UGCG: variants seen among roughly 807,000 people sequenced by gnomAD.
The protein encoded by UGCG is ceramide glucosyltransferase.
UGCG carries 10 observed loss-of-function variants against 49.5 expected under a neutral mutation model. The observed-to-expected ratio is 0.20, with a 90% CI of 0.12 to 0.34. UGCG has a LOEUF of 0.34. Ranked by LOEUF, UGCG falls within the 10% of genes least tolerant of loss-of-function variation. The probability of loss-of-function intolerance (pLI) is 1.00; values close to 1 mark genes in which losing one functional copy is unlikely to be tolerated. For missense variants in UGCG, 312 were observed against 483.7 expected, an observed-to-expected ratio of 0.65 and a Z score of 3.33; for synonymous variants, 182 against 158.2, an observed-to-expected ratio of 1.15 and a Z score of -1.13.
chr9:111,903,828 TCAAA>T (rs988992260), intron 1 of UGCG, among the ~76,000 whole-genome samples: 6 of 152,262 alleles, frequency 3.9e-5, no homozygotes, highest in South Asian at 2.1e-4. Flanking sequence ...ACTCCTGAGC[TCAAA>T]CAATCTGCCT....
chr9:111,910,895 A>G (rs992851262), intron 1 of UGCG, among the ~76,000 whole-genome samples: 3 of 151,974 alleles, frequency 2.0e-5, no homozygotes, highest in Admixed American at 2.0e-4. Flanking sequence ...ACAGGTGCAC[A>G]CCACCATGCC....
chr9:111,931,033 TGTAAA>T lies in UGCG; in HGVS notation c.738-233_738-229del, dbSNP rs1407291721. 2.0e-5 allele frequency among the ~76,000 whole-genome samples: 3 copies of T among 152,186 alleles called. No homozygotes were observed. In the East Asian group the frequency reaches 5.8e-4, roughly 29 times the overall value. Reference sequence around the variant, plus strand: ...TGACTGCATTTTAAGTTTCTTAAATTGTAAAGTAAGGTGGGTACAGTTTCTTCTAG... The same window carrying T: ...TGACTGCATTTTAAGTTTCTTAAATTGTAAGGTGGGTACAGTTTCTTCTAG... On this transcript the variant is annotated intron_variant, in intron 6 of 8. Transcript: ENST00000374279.
At position 111,933,050 on chromosome 9, in the gene UGCG, G is replaced by T; in HGVS notation, c.*53G>T. 1.5e-6 allele frequency: 2 copies of T among 1,331,754 alleles called. No individual in the cohort carries two copies. Among genetic ancestry groups the T allele is most frequent in the Non-Finnish European group, 9.7e-7 (1 of 1,027,080 alleles). 82.5% of individuals were successfully genotyped at this position (1,331,754 alleles called of 1,614,324 possible). ...AAAAAAGAGAAGTATTATAAATTAT[G>T]TTTATATAAATGCTTTTAAAAATCT... On this transcript the variant is annotated 3_prime_UTR_variant, in exon 9 of 9. Coordinates refer to ENST00000374279, the MANE Select transcript of UGCG (RefSeq NM_003358.3).
chr9:111,920,655 C>G (rs987354884), intron 2 of UGCG, among the ~76,000 whole-genome samples: 1 of 151,990 alleles, frequency 6.6e-6, no homozygotes, highest in Admixed American at 6.6e-5. Flanking sequence ...TGAGCCACCA[C>G]GCCTGGCCCA....
chr9:111,902,453 A>G (rs932029046), intron 1 of UGCG, among the ~76,000 whole-genome samples: 2 of 152,248 alleles, frequency 1.3e-5, no homozygotes, highest in African/African-American at 4.8e-5. Flanking sequence ...CAGGTAGTAA[A>G]TTGGTCATGA....
At chr9:111,909,377 AAACTCTTTCATGATTTC>A in intron 1 of UGCG, among the ~76,000 whole-genome samples, 1 of 152,226 alleles carries the variant, frequency 6.6e-6, no homozygotes, top group East Asian at 1.9e-4. Context: ...TCCACATCTC[AAACTCTTTCATGATTTC>A]TGTGTAGAAA....
rs1296076164 is a variant in UGCG, at chr9:111,933,812, G to C, written c.*815G>C. 1 of 151,948 alleles carries C rather than the reference G, an allele frequency of 6.6e-6. No homozygotes were observed. Among genetic ancestry groups the C allele is most frequent in the African/African-American group, 2.4e-5 (1 of 41,344 alleles). The allele number at this position is 151,948 out of a possible 1,614,324, so 9.4% of individuals were successfully genotyped here. Reference sequence around the variant, plus strand: ...GTATAGCTAAATCTTTTCCTTCCTTGCTCCTCCCCCAGCCCACCCCGTCTT... The same window carrying C: ...GTATAGCTAAATCTTTTCCTTCCTTCCTCCTCCCCCAGCCCACCCCGTCTT... On this transcript the variant is annotated 3_prime_UTR_variant, in exon 9 of 9. Coordinates refer to ENST00000374279, the MANE Select transcript of UGCG (RefSeq NM_003358.3).
At chr9:111,927,265 C>G (rs1838332648) in intron 5 of UGCG, among the ~76,000 whole-genome samples, 1 of 152,066 alleles carries the variant, frequency 6.6e-6, no homozygotes, top group Admixed American at 6.5e-5. Flanking sequence ...ATTTGATGTC[C>G]TTTTAAAACA....
intron 1 of UGCG, among the ~76,000 whole-genome samples, chr9:111,906,942 T>G (rs1028758782): frequency 2.0e-5 from 3 of 152,226 alleles, no homozygotes; most frequent in Non-Finnish European, 4.4e-5. Context: ...GCCTTGTCTG[T>G]GAAGTCACGA....
intron 1 of UGCG, among the ~76,000 whole-genome samples, chr9:111,914,190 C>T (rs529864786): frequency 6.6e-6 from 1 of 152,282 alleles, no homozygotes; most frequent in South Asian, 2.1e-4. Flanking sequence ...TTCATTTCTT[C>T]ACCATGTATT....
chr9:111,921,699 A>G (rs1245400868), intron 2 of UGCG, among the ~76,000 whole-genome samples: 2 of 151,418 alleles, frequency 1.3e-5, no homozygotes, highest in Non-Finnish European at 2.9e-5. Flanking sequence ...GGTTCAGTTC[A>G]GGATTTTATA....
chr9:111,912,085 C>G (rs1293468162), intron 1 of UGCG, among the ~76,000 whole-genome samples: 1 of 130,154 alleles, frequency 7.7e-6, no homozygotes, highest in Non-Finnish European at 1.6e-5. Context: ...GTAATATAAA[C>G]TTTTTTCCCC....
In UGCG at chr9:111,933,910, G is replaced by A. The variant is rs1838470029; in HGVS notation, c.*913G>A. 1 of 151,934 alleles carries A rather than the reference G, an allele frequency of 6.6e-6. No homozygotes were observed. The highest frequency in any genetic ancestry group is 2.1e-4 in the South Asian group (1 of 4,820). 9.4% of individuals were successfully genotyped at this position (151,934 alleles called of 1,614,324 possible). On this transcript the variant is annotated 3_prime_UTR_variant, in exon 9 of 9. Transcript: ENST00000374279. ...TGAGTGGATGTTTTGATAGTTGTAA[G>A]GAAAAAATGCATTTCAGACACATTT... is the stretch of plus-strand genomic sequence containing the variant.
At chr9:111,929,423 A>G (rs985744363) in intron 5 of UGCG, 77 bp from the exon 6 acceptor site, 1 of 1,456,148 alleles carries the variant, frequency 6.9e-7, no homozygotes, top group African/African-American at 1.4e-5. Flanking sequence ...TAAAAAAACC[A>G]TTGGGAAAAA....
At chr9:111,901,360 T>G (rs1837768297) in intron 1 of UGCG, among the ~76,000 whole-genome samples, 1 of 152,220 alleles carries the variant, frequency 6.6e-6, no homozygotes, top group Admixed American at 6.5e-5. Context: ...TTTTTTGGGT[T>G]TAGTCCTGCC....
At chr9:111,908,868 G>GC (rs1273337416) in intron 1 of UGCG, among the ~76,000 whole-genome samples, 1 of 152,090 alleles carries the variant, frequency 6.6e-6, no homozygotes, top group African/African-American at 2.4e-5. Flanking sequence ...TTATAATACT[G>GC]CCCCACTTTA....
At chr9:111,911,921 TATATATATATATATATATA>T (rs1408166522) in intron 1 of UGCG, among the ~76,000 whole-genome samples, 225 of 18,332 alleles carry the variant, frequency 0.012, 9 homozygotes, top group African/African-American at 0.054. Flanking sequence ...TATATATATA[TATATATATATATATATATA>T]TATATATATA....
In UGCG at chr9:111,926,381, T is replaced by C. The variant is rs117421734; in HGVS notation, c.446-3T>C. 763 of 1,595,362 alleles carry C rather than the reference T, an allele frequency of 4.8e-4. 15 individuals are homozygous for C. In the East Asian group the frequency reaches 0.014, roughly 29 times the overall value. On this transcript the variant is annotated splice_region_variant and splice_polypyrimidine_tract_variant and intron_variant, in intron 4 of 8. Transcript: ENST00000374279. Reference sequence around the variant, plus strand: ...CCCTCTCTGCCTTTTTTTTAAATTGTAGTAATTCCAGATACGCTTACTGAC... The same window carrying C: ...CCCTCTCTGCCTTTTTTTTAAATTGCAGTAATTCCAGATACGCTTACTGAC...
At chr9:111,922,688 CTT>C in intron 2 of UGCG, 159 bp from the exon 3 acceptor site, 1 of 436,496 alleles carries the variant, frequency 2.3e-6, no homozygotes, top group Non-Finnish European at 4.0e-6. Flanking sequence ...TAAAGCAACA[CTT>C]GTTATCATAA....
Sources: gnomAD v4.1 joint callset for allele counts (sites outside exome capture counted in the v4.1 genomes callset) on GRCh38, gnomAD v4.1.1 for gene constraint, MANE v1.5 for transcripts, NCBI Gene and HGNC (gene_info 2026-07-23, HGNC 2026-07-21) for gene names.